Variants in TTLL11 observed in about 807,000 individuals in gnomAD.
TTLL11 encodes the protein tubulin polyglutamylase TTLL11.
A neutral mutation model predicts 51.7 loss-of-function variants in TTLL11; 42 were observed. The observed-to-expected ratio is 0.81, with a 90% CI of 0.64 to 1.05. The LOEUF (loss-of-function observed/expected upper bound fraction) is 1.05, where lower values mean the gene tolerates loss of function less well. TTLL11 is among the 50% of genes least tolerant of loss of function. The probability of loss-of-function intolerance (pLI) is 0.00; values close to 1 mark genes in which losing one functional copy is unlikely to be tolerated. For missense variants in TTLL11, 799 were observed against 940.4 expected (o/e 0.85, Z 1.97); for synonymous variants, 381 against 383.5 (o/e 0.99, Z 0.08).
At chr9:122,069,682 A>G (rs1404607372) in intron 1 of TTLL11, among the ~76,000 whole-genome samples, 1 of 152,042 alleles carries the variant, frequency 6.6e-6, no homozygotes, top group African/African-American at 2.4e-5. Flanking sequence ...CTCCGTCTCA[A>G]AAAAACAACA....
At chr9:121,911,075 TCTTCCATC>T in intron 6 of TTLL11, among the ~76,000 whole-genome samples, 2 of 152,326 alleles carry the variant, frequency 1.3e-5, no homozygotes, top group Middle Eastern at 6.8e-3. Context: ...TTTATAAAGT[TCTTCCATC>T]CCTGTTATGC....
chr9:122,066,188 GTGTTGT>G (rs59290623), intron 1 of TTLL11, among the ~76,000 whole-genome samples: 4 of 149,046 alleles, frequency 2.7e-5, no homozygotes, highest in African/African-American at 1.0e-4. Context: ...GGGGAGCAGA[GTGTTGT>G]TGTTGTTGTT....
At chr9:121,992,387 G>A (rs996711819) in intron 3 of TTLL11, among the ~76,000 whole-genome samples, 6 of 152,196 alleles carry the variant, frequency 3.9e-5, no homozygotes, top group African/African-American at 1.4e-4. Context: ...TTAAAAAGAA[G>A]TCATGGACCA....
chr9:121,853,692 G>A lies in TTLL11; in HGVS notation c.1840+6645C>T, dbSNP rs770208907. 5.3e-5 allele frequency among the ~76,000 whole-genome samples: 8 copies of A among 152,188 alleles called. No individual in the cohort carries two copies. Among genetic ancestry groups the A allele is most frequent in the Admixed American group, 2.0e-4 (3 of 15,288 alleles). ...GCTCCTGCTTCACACAGCCATGGAC[G>A]AGGCTGCCAGCACCACATTTCCTCT... On this transcript the variant is annotated intron_variant, in intron 8 of 8. Coordinates refer to ENST00000321582, the MANE Select transcript of TTLL11 (RefSeq NM_001139442.2). The surrounding 1 kb of genome is among the most constrained non-coding windows in gnomAD (Gnocchi z 5.6).
At chr9:122,065,461 T>A (rs1253188168) in intron 1 of TTLL11, among the ~76,000 whole-genome samples, 2 of 152,128 alleles carry the variant, frequency 1.3e-5, no homozygotes, top group Non-Finnish European at 2.9e-5. Flanking sequence ...GTGACTTCTG[T>A]CAAAACAAAA....
intron 6 of TTLL11, among the ~76,000 whole-genome samples, chr9:121,924,995 T>C (rs985211427): frequency 6.6e-6 from 1 of 152,176 alleles, no homozygotes; most frequent in African/African-American, 2.4e-5. Flanking sequence ...CGACCTGTTT[T>C]AATCCAACAA....
chr9:122,077,103 G>T (rs1411589226), intron 1 of TTLL11, among the ~76,000 whole-genome samples: 1 of 152,162 alleles, frequency 6.6e-6, no homozygotes, highest in African/African-American at 2.4e-5. Flanking sequence ...AGGAGAAAAT[G>T]AAGGTAATTT....
chr9:121,835,375 T>C (rs1436935449), intron 8 of TTLL11, among the ~76,000 whole-genome samples: 1 of 151,804 alleles, frequency 6.6e-6, no homozygotes, highest in Admixed American at 6.6e-5. Flanking sequence ...TACTGGAGAG[T>C]GGTAAGTGGT....
intron 1 of TTLL11, among the ~76,000 whole-genome samples, chr9:122,067,524 A>T: frequency 6.6e-6 from 1 of 152,152 alleles, no homozygotes; most frequent in African/African-American, 2.4e-5. Context: ...AAGATTTTTT[A>T]TTTATTAATT....
chr9:121,972,471 G>A (rs1008576362), intron 6 of TTLL11, among the ~76,000 whole-genome samples: 2 of 152,222 alleles, frequency 1.3e-5, no homozygotes, highest in African/African-American at 4.8e-5. Context: ...ACTGATCGGT[G>A]GAAGAAGCCA....
chr9:121,872,299 C>A (rs1402731002), intron 6 of TTLL11, among the ~76,000 whole-genome samples: 1 of 152,200 alleles, frequency 6.6e-6, no homozygotes, highest in Non-Finnish European at 1.5e-5. Context: ...CTCTCTCATG[C>A]CTCATCCCTA....
chr9:121,950,287 G>A (rs1378613997), intron 6 of TTLL11, among the ~76,000 whole-genome samples: 4 of 152,040 alleles, frequency 2.6e-5, no homozygotes, highest in African/African-American at 7.3e-5. Context: ...CCCTGAGGCC[G>A]TGGGCTGGTC....
intron 1 of TTLL11, among the ~76,000 whole-genome samples, chr9:122,054,656 A>T (rs973307008): frequency 1.4e-4 from 21 of 152,218 alleles, no homozygotes; most frequent in African/African-American, 4.8e-4. Flanking sequence ...AGCCCATGGA[A>T]AAGAGTTCCA....
chr9:122,043,470 T>C (rs1844904701), intron 1 of TTLL11, among the ~76,000 whole-genome samples: 1 of 152,170 alleles, frequency 6.6e-6, no homozygotes, highest in Non-Finnish European at 1.5e-5. Flanking sequence ...CTTTACCTTA[T>C]ACCATATACA....
intron 1 of TTLL11, among the ~76,000 whole-genome samples, chr9:122,047,361 GT>G (rs1482434609): frequency 6.6e-6 from 1 of 152,206 alleles, no homozygotes; most frequent in Non-Finnish European, 1.5e-5. Context: ...AAATAAATGT[GT>G]AAAAGCACAG....
At chr9:121,932,510 T>C (rs918070710) in intron 6 of TTLL11, among the ~76,000 whole-genome samples, 1 of 152,026 alleles carries the variant, frequency 6.6e-6, no homozygotes, top group African/African-American at 2.4e-5. Context: ...GAAAACTAGA[T>C]CCAGGGAGGA....
At chr9:121,965,480 G>A (rs772206536) in intron 6 of TTLL11, among the ~76,000 whole-genome samples, 2 of 152,154 alleles carry the variant, frequency 1.3e-5, no homozygotes, top group Non-Finnish European at 2.9e-5. Flanking sequence ...ACAGCATGGG[G>A]GAAACTGCCC....
chr9:122,055,239 A>AGATAGATAGATG (rs1223662253), intron 1 of TTLL11, among the ~76,000 whole-genome samples: 3 of 145,220 alleles, frequency 2.1e-5, no homozygotes, highest in African/African-American at 7.3e-5. Context: ...ATAGATAGAT[A>AGATAGATAGATG]GATAAAGGGG....
chr9:122,069,637 C>T (rs936842022), intron 1 of TTLL11, among the ~76,000 whole-genome samples: 18 of 152,104 alleles, frequency 1.2e-4, no homozygotes, highest in African/African-American at 3.1e-4. Context: ...AGTGGGATCG[C>T]GCCATTGCAC....
Sources: allele counts gnomAD v4.1 joint callset (sites outside exome capture counted in the v4.1 genomes callset), GRCh38; gene constraint gnomAD v4.1.1; non-coding constraint Gnocchi (gnomAD v3.1); transcripts MANE v1.5; gene names NCBI Gene and HGNC (gene_info 2026-07-23, HGNC 2026-07-21).